The following CDYL2 variants were observed in gnomAD, a reference collection of about 807,000 sequenced individuals.
The protein encoded by CDYL2 is chromodomain Y like 2.
Under a neutral mutation model 49.4 loss-of-function variants are expected in CDYL2, and 23 were observed. The ratio of observed to expected loss-of-function variants is 0.47; its 90% CI spans 0.34 to 0.66. The LOEUF is 0.66. Among genes scored for constraint, CDYL2 ranks in the 30% least tolerant of loss-of-function variants. CDYL2 has a pLI of 0.01. For missense variants in CDYL2, 678 were observed against 656.4 expected, an observed-to-expected ratio of 1.03 and a Z score of -0.36; for synonymous variants, 360 against 268.8, an observed-to-expected ratio of 1.34 and a Z score of -3.32.
At chr16:80,636,218 T>A (rs1907816801) in intron 2 of CDYL2, among the ~76,000 whole-genome samples, 1 of 152,148 alleles carries the variant, frequency 6.6e-6, no homozygotes, top group African/African-American at 2.4e-5. Flanking sequence ...GGGATCTAAT[T>A]AAACTAAAGA....
At chr16:80,666,412 C>G (rs940406360) in intron 2 of CDYL2, among the ~76,000 whole-genome samples, 1 of 152,184 alleles carries the variant, frequency 6.6e-6, no homozygotes, top group East Asian at 1.9e-4. Context: ...TAGCAAAGAA[C>G]TGCGCAAAAT....
chr16:80,707,151 G>A (rs1224109207), intron 1 of CDYL2, among the ~76,000 whole-genome samples: 1 of 152,124 alleles, frequency 6.6e-6, no homozygotes, highest in African/African-American at 2.4e-5. Flanking sequence ...GCTAAAAAAA[G>A]AAAATTTTTA....
chr16:80,734,549 A>G (rs1174486483), intron 1 of CDYL2, among the ~76,000 whole-genome samples: 3 of 152,174 alleles, frequency 2.0e-5, no homozygotes, highest in Non-Finnish European at 4.4e-5. Context: ...AGAATAGGGA[A>G]GCAGGTTTGG....
chr16:80,630,948 C>G (rs2142389277), intron 3 of CDYL2, among the ~76,000 whole-genome samples: 1 of 152,278 alleles, frequency 6.6e-6, no homozygotes, highest in East Asian at 1.9e-4. Flanking sequence ...GTGGCCATCC[C>G]TTGACTTCAT....
At chr16:80,688,151 G>A (rs866548848) in intron 1 of CDYL2, among the ~76,000 whole-genome samples, 5 of 152,186 alleles carry the variant, frequency 3.3e-5, no homozygotes, top group African/African-American at 1.2e-4. Context: ...AATTACTGGA[G>A]GTTGCAATCA....
chr16:80,691,778 G>A (rs1160152212), intron 1 of CDYL2, among the ~76,000 whole-genome samples: 1 of 152,078 alleles, frequency 6.6e-6, no homozygotes, highest in Non-Finnish European at 1.5e-5. Context: ...TTTTAAAAGA[G>A]AGAGAAGAAG....
chr16:80,635,210 A>T (rs1388807685), intron 2 of CDYL2, among the ~76,000 whole-genome samples: 1 of 152,238 alleles, frequency 6.6e-6, no homozygotes, highest in Non-Finnish European at 1.5e-5. Flanking sequence ...AAACCATATG[A>T]TCATATCAAT....
chr16:80,661,821 C>A (rs1909055665), intron 2 of CDYL2, among the ~76,000 whole-genome samples: 2 of 152,188 alleles, frequency 1.3e-5, no homozygotes, highest in African/African-American at 4.8e-5. Context: ...TGCTTGAAGA[C>A]CCTACCAGAC....
chr16:80,784,093 G>C (rs933589830), intron 1 of CDYL2, among the ~76,000 whole-genome samples: 1 of 152,256 alleles, frequency 6.6e-6, no homozygotes, highest in East Asian at 1.9e-4. Context: ...ATATATATAA[G>C]TACTTTTGAC....
At chr16:80,777,382 A>T (rs1013302644) in intron 1 of CDYL2, among the ~76,000 whole-genome samples, 1 of 152,118 alleles carries the variant, frequency 6.6e-6, no homozygotes, top group Non-Finnish European at 1.5e-5. Context: ...TCAGAGAAAC[A>T]CTGAAACAGA....
At chr16:80,636,801 C>T (rs1056254083) in intron 2 of CDYL2, among the ~76,000 whole-genome samples, 3 of 152,168 alleles carry the variant, frequency 2.0e-5, no homozygotes, top group South Asian at 4.1e-4. Flanking sequence ...TTGGAACCAA[C>T]CCCAACGCCC....
At chr16:80,690,456 T>C (rs966594053) in intron 1 of CDYL2, among the ~76,000 whole-genome samples, 2 of 152,186 alleles carry the variant, frequency 1.3e-5, no homozygotes, top group African/African-American at 2.4e-5. Flanking sequence ...TTGATCCCTA[T>C]ACATTAACTC....
chr16:80,713,678 G>T (rs1904698154), intron 1 of CDYL2, among the ~76,000 whole-genome samples: 1 of 152,124 alleles, frequency 6.6e-6, no homozygotes, highest in Admixed American at 6.5e-5. Context: ...AACTGGTAGG[G>T]TCTATGCCCC....
intron 1 of CDYL2, among the ~76,000 whole-genome samples, chr16:80,718,755 G>C (rs1283876326): frequency 6.6e-6 from 1 of 152,164 alleles, no homozygotes; most frequent in East Asian, 1.9e-4. Context: ...CAGAACAATG[G>C]GCCAGAGGGC....
intron 2 of CDYL2, among the ~76,000 whole-genome samples, chr16:80,641,794 GC>G (rs1908102607): frequency 6.6e-6 from 1 of 150,980 alleles, no homozygotes; most frequent in Non-Finnish European, 1.5e-5. Context: ...TATACCTAAC[GC>G]TAAATGACGA....
chr16:80,649,748 G>A (rs1360450821), intron 2 of CDYL2, among the ~76,000 whole-genome samples: 1 of 152,122 alleles, frequency 6.6e-6, no homozygotes, highest in Non-Finnish European at 1.5e-5. Flanking sequence ...AAACAGCACG[G>A]TACTGGCATA....
At chr16:80,719,831 G>A (rs1213784151) in intron 1 of CDYL2, among the ~76,000 whole-genome samples, 1 of 152,186 alleles carries the variant, frequency 6.6e-6, no homozygotes, top group Non-Finnish European at 1.5e-5. Context: ...GATGACAACA[G>A]AATCAGCCCA....
chr16:80,614,869 GAAAA>G (rs57112645), intron 4 of CDYL2, among the ~76,000 whole-genome samples: 5 of 71,346 alleles, frequency 7.0e-5, no homozygotes, highest in African/African-American at 1.9e-4. Flanking sequence ...GTCTCAGGGA[GAAAA>G]AAAAAAAAAA....
intron 2 of CDYL2, among the ~76,000 whole-genome samples, chr16:80,636,995 T>A (rs1386371111): frequency 6.6e-6 from 1 of 151,632 alleles, no homozygotes; most frequent in African/African-American, 2.4e-5. Context: ...TAAGTGAGAG[T>A]TGAACAATGA....
Sources: allele counts gnomAD v4.1 joint callset (sites outside exome capture counted in the v4.1 genomes callset), GRCh38; gene constraint gnomAD v4.1.1; transcripts MANE v1.5; gene names NCBI Gene and HGNC (gene_info 2026-07-23, HGNC 2026-07-21).